ADGRV1: variants seen among roughly 807,000 people sequenced by gnomAD.
The protein encoded by ADGRV1 is G-protein coupled receptor 98.
In ADGRV1, 359 loss-of-function variants were observed where a neutral mutation model predicts 596.2. The observed-to-expected ratio is 0.60, with a 90% CI of 0.55 to 0.66. The LOEUF (loss-of-function observed/expected upper bound fraction) is 0.66, where lower values mean the gene tolerates loss of function less well. ADGRV1 is among the 30% of genes least tolerant of loss of function. The probability of loss-of-function intolerance (pLI) is 0.00; values close to 1 mark genes in which losing one functional copy is unlikely to be tolerated. For synonymous variants in ADGRV1, 2,681 were observed against 2,679.2 expected, an observed-to-expected ratio of 1.00 and a Z score of -0.02; for missense variants, 7,274 against 7,575.6, an observed-to-expected ratio of 0.96 and a Z score of 1.48.
At chr5:90,823,221 G>T (rs1241835753) in intron 75 of ADGRV1, among the ~76,000 whole-genome samples, 1 of 152,120 alleles carries the variant, frequency 6.6e-6, no homozygotes, top group Admixed American at 6.5e-5. Context: ...AACCACATAA[G>T]CCCTGAGGCT....
chr5:90,593,791 T>A (rs1028734769), intron 1 of ADGRV1, among the ~76,000 whole-genome samples: 1 of 152,076 alleles, frequency 6.6e-6, no homozygotes, highest in Admixed American at 6.5e-5. Flanking sequence ...TTAACTATGA[T>A]CTTGGTAGGA....
chr5:90,628,962 A>T, intron 8 of ADGRV1, 130 bp downstream of exon 8: 1 of 870,372 alleles, frequency 1.1e-6, no homozygotes, highest in South Asian at 2.1e-5. Context: ...TGCAAATGAT[A>T]GTTTTCTTAC....
At chr5:90,896,369 G>A (rs992494790) in intron 83 of ADGRV1, among the ~76,000 whole-genome samples, 2 of 139,864 alleles carry the variant, frequency 1.4e-5, no homozygotes, top group African/African-American at 5.2e-5. Context: ...CTCCCGGCTC[G>A]AGAGACTCCT....
At chr5:90,909,555 C>A (rs767542768) in intron 83 of ADGRV1, among the ~76,000 whole-genome samples, 1 of 144,794 alleles carries the variant, frequency 6.9e-6, no homozygotes, top group African/African-American at 2.5e-5. Context: ...TCTGTCATAA[C>A]AACCAACTTG....
At chr5:90,924,709 T>G (rs1341024195) in intron 83 of ADGRV1, among the ~76,000 whole-genome samples, 4 of 152,188 alleles carry the variant, frequency 2.6e-5, no homozygotes, top group Admixed American at 2.0e-4. Flanking sequence ...TCCTTGCCCA[T>G]GCCTGTGTCC....
intron 83 of ADGRV1, among the ~76,000 whole-genome samples, chr5:90,962,099 C>T (rs1354872097): frequency 6.6e-6 from 1 of 152,218 alleles, no homozygotes; most frequent in Non-Finnish European, 1.5e-5. Context: ...AAATTTAAAA[C>T]TTGTTTAAGG....
chr5:90,708,349 T>C (rs1474873479), intron 38 of ADGRV1, among the ~76,000 whole-genome samples: 1 of 151,966 alleles, frequency 6.6e-6, no homozygotes, highest in African/African-American at 2.4e-5. Flanking sequence ...TGCCCCGTTA[T>C]AGAGATAGTA....
chr5:90,564,379 G>A (rs1461472492), intron 1 of ADGRV1, among the ~76,000 whole-genome samples: 1 of 152,158 alleles, frequency 6.6e-6, no homozygotes, highest in Non-Finnish European at 1.5e-5. Context: ...AATGGTGGAA[G>A]AGAGGGAGTG....
chr5:90,974,044 A>C (rs1206180256), intron 84 of ADGRV1, among the ~76,000 whole-genome samples: 1 of 152,214 alleles, frequency 6.6e-6, no homozygotes, highest in Admixed American at 6.5e-5. Context: ...AAGCATTCTT[A>C]TACACCAATA....
intron 77 of ADGRV1, among the ~76,000 whole-genome samples, chr5:90,839,559 T>C (rs1343549696): frequency 6.6e-5 from 10 of 152,162 alleles, no homozygotes; most frequent in Admixed American, 6.6e-4. Context: ...TCTAGTCACA[T>C]TGGCCTTAGG....
At chr5:91,086,526 T>C (rs1041253271) in intron 86 of ADGRV1, among the ~76,000 whole-genome samples, 1 of 152,222 alleles carries the variant, frequency 6.6e-6, no homozygotes, top group African/African-American at 2.4e-5. Flanking sequence ...ATCATCAGAA[T>C]TGCTTATGCT....
intron 83 of ADGRV1, among the ~76,000 whole-genome samples, chr5:90,911,967 G>A (rs915603157): frequency 2.6e-5 from 4 of 152,018 alleles, no homozygotes; most frequent in African/African-American, 7.2e-5. Context: ...AGCATGTCAG[G>A]TCTGCAGTAC....
intron 83 of ADGRV1, among the ~76,000 whole-genome samples, chr5:90,886,754 A>G (rs1274831860): frequency 2.0e-5 from 3 of 152,082 alleles, no homozygotes; most frequent in African/African-American, 4.8e-5. Context: ...CCAGTTTCCC[A>G]TATCTTAATA....
chr5:90,766,358 G>A (rs988836303), intron 59 of ADGRV1, among the ~76,000 whole-genome samples: 21 of 151,958 alleles, frequency 1.4e-4, no homozygotes, highest in Admixed American at 1.1e-3. Context: ...TTCTGTAATC[G>A]TTACATGTAT....
At chr5:90,861,944 C>T (rs1767620428) in intron 82 of ADGRV1, among the ~76,000 whole-genome samples, 1 of 152,080 alleles carries the variant, frequency 6.6e-6, no homozygotes, top group Non-Finnish European at 1.5e-5. Flanking sequence ...ACGTAAAAAA[C>T]GCATCTAGAT....
chr5:90,715,333 C>T (rs1749945488), intron 42 of ADGRV1, among the ~76,000 whole-genome samples: 1 of 152,226 alleles, frequency 6.6e-6, no homozygotes, highest in African/African-American at 2.4e-5. Flanking sequence ...AAGCTTAGGA[C>T]TGTCCCATGA....
At chr5:90,968,217 T>C (rs1234517437) in intron 84 of ADGRV1, among the ~76,000 whole-genome samples, 1 of 152,168 alleles carries the variant, frequency 6.6e-6, no homozygotes, top group African/African-American at 2.4e-5. Context: ...AATTTTTGAT[T>C]CAGGTTAAGA....
At chr5:90,996,607 C>T (rs1398807589) in intron 85 of ADGRV1, among the ~76,000 whole-genome samples, 1 of 152,224 alleles carries the variant, frequency 6.6e-6, no homozygotes, top group Non-Finnish European at 1.5e-5. Flanking sequence ...AGAGTCCCTA[C>T]TGGGACACTG....
chr5:90,783,841 A>C lies in ADGRV1; in HGVS notation c.13437A>C (p.Glu4479Asp), dbSNP rs1358524349. The C allele has an allele frequency of 6.2e-7, 1 of 1,602,288 alleles. No individual in the cohort carries two copies. Among genetic ancestry groups the C allele is most frequent in the Non-Finnish European group, 8.5e-7 (1 of 1,174,476 alleles). The part of the protein sequence containing the change: ...NISIIDDNES[E>D]FEEPIEILLT... ...ATTGCTCCTTCTTGCCATGCAGTGA[A>C]TTTGAGGAGCCCATTGAAATTCTAC... The change falls in exon 67 of 90, where the codon GAA becomes GAC. Residue 4479 changes from glutamate to aspartate, a missense_variant. Transcript: ENST00000405460.
Sources: allele counts gnomAD v4.1 joint callset (sites outside exome capture counted in the v4.1 genomes callset), GRCh38; gene constraint gnomAD v4.1.1; transcripts MANE v1.5; gene names NCBI Gene and HGNC (gene_info 2026-07-23, HGNC 2026-07-21).